The following ANKS1B variants were observed in gnomAD, a reference collection of about 807,000 sequenced individuals.
The protein encoded by ANKS1B is ankyrin repeat and sterile alpha motif domain containing 1B.
A neutral mutation model predicts 148.3 loss-of-function variants in ANKS1B; 36 were observed. That is an observed-to-expected ratio of 0.24 (90% CI 0.19 to 0.32). ANKS1B has a LOEUF of 0.32. Ranked by LOEUF, ANKS1B falls within the 10% of genes least tolerant of loss-of-function variation. The pLI, the probability that ANKS1B is intolerant of heterozygous loss-of-function variation, is 1.00. For missense variants in ANKS1B, 1,157 were observed against 1,542.6 expected, an observed-to-expected ratio of 0.75 and a Z score of 4.19; for synonymous variants, 542 against 560.8, an observed-to-expected ratio of 0.97 and a Z score of 0.47.
chr12:98,766,148 G>A (rs541526912), intron 25 of ANKS1B, among the ~76,000 whole-genome samples: 1 of 152,234 alleles, frequency 6.6e-6, no homozygotes, highest in East Asian at 1.9e-4. Context: ...CCAAAATAGG[G>A]ATGAGAAGAT....
At chr12:99,754,001 C>T (rs1159040404) in intron 8 of ANKS1B, among the ~76,000 whole-genome samples, 1 of 151,714 alleles carries the variant, frequency 6.6e-6, no homozygotes, top group Non-Finnish European at 1.5e-5. Context: ...CCAGCCTGGG[C>T]AACAAGAGCA....
chr12:99,440,039 A>G (rs1029817865), intron 11 of ANKS1B, among the ~76,000 whole-genome samples: 3 of 151,786 alleles, frequency 2.0e-5, no homozygotes, highest in Non-Finnish European at 4.4e-5. Flanking sequence ...ATACGCACAC[A>G]GAAAACATAC....
At chr12:99,785,460 G>A (rs1245088089) in intron 4 of ANKS1B, among the ~76,000 whole-genome samples, 2 of 151,606 alleles carry the variant, frequency 1.3e-5, no homozygotes, top group East Asian at 1.9e-4. Flanking sequence ...TTGAGATGGA[G>A]TCTTGCTCTC....
At chr12:99,265,871 C>T (rs182516243) in intron 12 of ANKS1B, among the ~76,000 whole-genome samples, 15 of 152,264 alleles carry the variant, frequency 9.9e-5, no homozygotes, top group Admixed American at 6.5e-4. Context: ...TCTTCACATA[C>T]GGGGAATTAT....
intron 3 of ANKS1B, among the ~76,000 whole-genome samples, chr12:99,808,881 A>G (rs184817336): frequency 6.6e-6 from 1 of 152,246 alleles, no homozygotes; most frequent in East Asian, 1.9e-4. Flanking sequence ...AAAATTTTCT[A>G]GTAACACCAA....
At chr12:99,175,468 T>G (rs1370631162) in intron 14 of ANKS1B, among the ~76,000 whole-genome samples, 2 of 152,242 alleles carry the variant, frequency 1.3e-5, no homozygotes, top group Non-Finnish European at 2.9e-5. Flanking sequence ...AATAATTTTG[T>G]GCATTTAAAT....
In ANKS1B at chr12:99,707,610, C is replaced by T. The variant is rs916452442; in HGVS notation, c.1129-52400G>A. 8.6e-5 allele frequency among the ~76,000 whole-genome samples: 13 copies of T among 151,890 alleles called. 1 individual carries two copies. The highest frequency in any genetic ancestry group is 5.9e-4 in the Admixed American group (9 of 15,236). On this transcript the variant is annotated intron_variant, in intron 8 of 26. Coordinates refer to ENST00000683438, the MANE Select transcript of ANKS1B (RefSeq NM_001352186.2). ...GTAAATGGAAAGGAAATTTCCTTTG[C>T]TTTTAATTTAGAATAAAAGGTGATA...
intron 4 of ANKS1B, among the ~76,000 whole-genome samples, chr12:99,790,810 G>GA (rs1418151592): frequency 3.3e-5 from 5 of 151,742 alleles, no homozygotes; most frequent in Non-Finnish European, 7.4e-5. Flanking sequence ...TACTGCCAGA[G>GA]AAAATCACCT....
chr12:99,337,111 T>G (rs2089049793), intron 12 of ANKS1B, among the ~76,000 whole-genome samples: 1 of 152,160 alleles, frequency 6.6e-6, no homozygotes. Flanking sequence ...CAATCTCTCT[T>G]CATCCTCTTG....
In ANKS1B at chr12:99,405,672, G is replaced by T. The variant is rs967653458; in HGVS notation, c.1576-5861C>A. On this transcript the variant is annotated intron_variant, in intron 11 of 26. Coordinates refer to ENST00000683438, the MANE Select transcript of ANKS1B (RefSeq NM_001352186.2). The stretch of plus-strand genomic sequence containing the variant: ...TAGAAAACAAATAACACAATGGCAG[G>T]ATAAGTGCTTATCATTAATATCAAT... Among the ~76,000 whole-genome samples the T allele has an allele frequency of 6.9e-5, 10 of 144,218 alleles. 1 individual carries two copies. Among genetic ancestry groups the T allele is most frequent in the Admixed American group, 5.5e-4 (8 of 14,550 alleles). The allele number at this position is 144,218 out of a possible 152,430, so 94.6% of individuals were successfully genotyped here. A position where few individuals can be genotyped will look rare whatever the true frequency, so the allele number is the denominator to read the frequency against.
intron 9 of ANKS1B, among the ~76,000 whole-genome samples, chr12:99,602,614 T>C (rs1267099629): frequency 6.6e-6 from 1 of 152,072 alleles, no homozygotes; most frequent in Non-Finnish European, 1.5e-5. Context: ...GAGTAATCTA[T>C]ACAGCAACAG....
At position 99,517,768 on chromosome 12, in the gene ANKS1B, G is replaced by C. The variant is rs147944633; in HGVS notation, c.1273-13127C>G. Among the ~76,000 whole-genome samples the C allele has an allele frequency of 3.3e-3, 503 of 152,170 alleles. 4 individuals are homozygous for C. The highest frequency in any genetic ancestry group is 0.012 in the African/African-American group (487 of 41,510). The stretch of plus-strand genomic sequence containing the variant: ...TCCAGTACTATGCTGACTAACGGTG[G>C]CAAAAGTGATAATCCTTGTTGTGTT... On this transcript the variant is annotated intron_variant, in intron 9 of 26. Coordinates refer to ENST00000683438, the MANE Select transcript of ANKS1B (RefSeq NM_001352186.2).
At chr12:99,724,122 C>A (rs1714576554) in intron 8 of ANKS1B, among the ~76,000 whole-genome samples, 1 of 151,894 alleles carries the variant, frequency 6.6e-6, no homozygotes, top group Admixed American at 6.6e-5. Flanking sequence ...CAATGCCGCT[C>A]CAGCAAGGGT....
chr12:98,760,689 C>A (rs1162410094), intron 25 of ANKS1B, among the ~76,000 whole-genome samples: 4 of 152,226 alleles, frequency 2.6e-5, no homozygotes, highest in Non-Finnish European at 5.9e-5. Context: ...ATTCTAACAT[C>A]TTCTCAGTGA....
At position 99,632,727 on chromosome 12, in the gene ANKS1B, CTATATATATATATATATATATATA is replaced by C. The variant is rs3081654; in HGVS notation, c.1272+22316_1272+22339del. Among the ~76,000 whole-genome samples, 49 of 39,044 alleles carry C rather than the reference CTATATATATATATATATATATATA, an allele frequency of 1.3e-3. 2 individuals are homozygous for C. The highest frequency in any genetic ancestry group is 3.0e-3 in the African/African-American group (43 of 14,146). The allele number at this position is 39,044 out of a possible 152,430, so 25.6% of individuals were successfully genotyped here. ...TTTGGCCTGTGTCTTCCTTTTCTTT[CTATATATATATATATATATATATA>C]TATATATATATATATATTTTAATTA... is the stretch of plus-strand genomic sequence containing the variant. On this transcript the variant is annotated intron_variant, in intron 9 of 26. Transcript: ENST00000683438.
intron 9 of ANKS1B, among the ~76,000 whole-genome samples, chr12:99,623,539 C>T (rs918984966): frequency 9.2e-5 from 14 of 152,030 alleles, no homozygotes; most frequent in Admixed American, 3.3e-4. Flanking sequence ...AACTGATAAA[C>T]GGCTGACAAA....
chr12:99,448,146 C>A (rs992414861), intron 10 of ANKS1B, among the ~76,000 whole-genome samples: 2 of 152,110 alleles, frequency 1.3e-5, no homozygotes, highest in East Asian at 3.9e-4. Flanking sequence ...GATATCTCCA[C>A]TCCCATGTTA....
chr12:99,160,065 T>C (rs2076486325), intron 14 of ANKS1B, among the ~76,000 whole-genome samples: 1 of 152,182 alleles, frequency 6.6e-6, no homozygotes, highest in South Asian at 2.1e-4. Context: ...CCATTTTTAA[T>C]GTGGTTATTT....
intron 12 of ANKS1B, among the ~76,000 whole-genome samples, chr12:99,249,014 C>T (rs888453746): frequency 2.6e-5 from 4 of 152,068 alleles, no homozygotes; most frequent in African/African-American, 9.7e-5. Flanking sequence ...AAAATAAGAC[C>T]TGGCATCTTG....
Sources: allele counts gnomAD v4.1 joint callset (sites outside exome capture counted in the v4.1 genomes callset), GRCh38; gene constraint gnomAD v4.1.1; transcripts MANE v1.5; gene names NCBI Gene and HGNC (gene_info 2026-07-23, HGNC 2026-07-21).